ZNF280D: variants seen among roughly 807,000 people sequenced by gnomAD.
ZNF280D encodes zinc finger protein 280D.
A neutral mutation model predicts 94.7 loss-of-function variants in ZNF280D; 39 were observed. The observed-to-expected ratio is 0.41, with a 90% CI of 0.32 to 0.54. ZNF280D has a LOEUF of 0.54. ZNF280D is among the 20% of genes least tolerant of loss of function. ZNF280D has a pLI of 0.22. For missense variants in ZNF280D, 1,090 were observed against 1,149.3 expected, an observed-to-expected ratio of 0.95 and a Z score of 0.75; for synonymous variants, 398 against 377.6, an observed-to-expected ratio of 1.05 and a Z score of -0.63.
chr15:56,729,321 T>TA (rs1439726482), intron 1 of ZNF280D, among the ~76,000 whole-genome samples: 18 of 152,340 alleles, frequency 1.2e-4, no homozygotes, highest in African/African-American at 4.3e-4. Context: ...AAACTCTCCT[T>TA]AGTTGGCACT....
chr15:56,664,293 T>C (rs1334528612), intron 16 of ZNF280D, among the ~76,000 whole-genome samples: 1 of 152,144 alleles, frequency 6.6e-6, no homozygotes, highest in Non-Finnish European at 1.5e-5. Context: ...CAAATGTTAA[T>C]GGTAAAAAGG....
rs1228741790 is a variant in ZNF280D at position 56,630,818 on chromosome 15, G to T, written c.*680C>A. On this transcript the variant is annotated 3_prime_UTR_variant, in exon 22 of 22. Coordinates refer to ENST00000267807, the MANE Select transcript of ZNF280D (RefSeq NM_017661.4). The stretch of plus-strand genomic sequence containing the variant: ...ATATCTTAATAATTCCACTTTCACT[G>T]AAAGTTTAATTAAGGTAAGCTTACA... 6.6e-6 allele frequency: 1 copy of T among 152,142 alleles called. No individual in the cohort carries two copies. The allele number at this position is 152,142 out of a possible 1,614,324, so 9.4% of individuals were successfully genotyped here.
At chr15:56,653,583 C>T in intron 19 of ZNF280D, 1 of 1,498,716 alleles carries the variant, frequency 6.7e-7, no homozygotes, top group Non-Finnish European at 8.9e-7. Context: ...TTTGAAATCT[C>T]TGGGCTGCTT....
At chr15:56,731,390 C>G (rs1402062216) in intron 1 of ZNF280D, among the ~76,000 whole-genome samples, 1 of 151,216 alleles carries the variant, frequency 6.6e-6, no homozygotes, top group African/African-American at 2.4e-5. Flanking sequence ...GGGTTCCCAG[C>G]TACTCAGGAG....
At chr15:56,688,788 A>T (rs1377331897) in intron 9 of ZNF280D, 1 of 216,284 alleles carries the variant, frequency 4.6e-6, no homozygotes, top group African/African-American at 2.3e-5. Flanking sequence ...AAATAATCGG[A>T]TTAATACATT....
chr15:56,729,489 C>A (rs2058784060), intron 1 of ZNF280D, among the ~76,000 whole-genome samples: 1 of 152,184 alleles, frequency 6.6e-6, no homozygotes, highest in African/African-American at 2.4e-5. Context: ...TCTCAACCAT[C>A]AATGAATTTT....
At chr15:56,673,408 T>A (rs978751744) in intron 13 of ZNF280D, among the ~76,000 whole-genome samples, 3 of 152,018 alleles carry the variant, frequency 2.0e-5, no homozygotes, top group Non-Finnish European at 2.9e-5. Context: ...TAGTAAAACC[T>A]CTCAGCTCTA....
At chr15:56,700,785 G>A (rs1270078732) in intron 6 of ZNF280D, 148 bp downstream of exon 6, 17 of 1,537,410 alleles carry the variant, frequency 1.1e-5, no homozygotes, top group African/African-American at 4.1e-5. Context: ...TTGAGCTAGC[G>A]AAAATATGGT....
intron 6 of ZNF280D, among the ~76,000 whole-genome samples, chr15:56,696,026 G>A (rs1341363350): frequency 6.6e-6 from 1 of 152,028 alleles, no homozygotes; most frequent in Admixed American, 6.5e-5. Context: ...TAAGAATTTT[G>A]CTTTATTACT....
rs1246659091 is a variant in ZNF280D at position 56,669,969 on chromosome 15, TATATA to T, written c.1411-1017_1411-1013del. Among the ~76,000 whole-genome samples, 6 of 2,622 alleles carry T rather than the reference TATATA, an allele frequency of 2.3e-3. 2 individuals carry two copies. Among genetic ancestry groups the T allele is most frequent in the African/African-American group, 9.6e-3 (6 of 628 alleles). 1.7% of individuals were successfully genotyped at this position (2,622 alleles called of 152,430 possible). ...ATATATTATATATATATATTATATA[TATATA>T]ATATATATATTATATATATATATTA... On this transcript the variant is annotated intron_variant, in intron 13 of 21. Coordinates refer to ENST00000267807, the MANE Select transcript of ZNF280D (RefSeq NM_017661.4).
intron 9 of ZNF280D, among the ~76,000 whole-genome samples, chr15:56,686,219 A>T (rs1356716791): frequency 6.6e-6 from 1 of 152,168 alleles, no homozygotes; most frequent in African/African-American, 2.4e-5. Context: ...GCTCACTGCA[A>T]CCTCCGCCTC....
At chr15:56,638,230 T>C (rs1299415094) in intron 20 of ZNF280D, among the ~76,000 whole-genome samples, 1 of 152,214 alleles carries the variant, frequency 6.6e-6, no homozygotes, top group Non-Finnish European at 1.5e-5. Flanking sequence ...TATTATATAA[T>C]GAAATATTTC....
At chr15:56,727,999 C>T (rs1353203618) in intron 1 of ZNF280D, among the ~76,000 whole-genome samples, 2 of 151,956 alleles carry the variant, frequency 1.3e-5, no homozygotes. Flanking sequence ...AGTCTTTCAT[C>T]CTTTACAAGT....
intron 1 of ZNF280D, among the ~76,000 whole-genome samples, chr15:56,723,163 G>GGT (rs1442244995): frequency 6.6e-6 from 1 of 151,452 alleles, no homozygotes; most frequent in African/African-American, 2.4e-5. Context: ...CACCAGCATG[G>GGT]CACATGTATA....
chr15:56,727,860 TGA>T (rs1358209762), intron 1 of ZNF280D, among the ~76,000 whole-genome samples: 3 of 152,176 alleles, frequency 2.0e-5, no homozygotes. Flanking sequence ...ACTTAATCAA[TGA>T]GAGAATAACG....
intron 1 of ZNF280D, among the ~76,000 whole-genome samples, chr15:56,716,928 C>G (rs2058081243): frequency 6.6e-6 from 1 of 152,174 alleles, no homozygotes; most frequent in Non-Finnish European, 1.5e-5. Context: ...CTGGGCTTCA[C>G]TTCCTCTGTA....
intron 19 of ZNF280D, chr15:56,652,568 G>A (rs1685748591): frequency 1.1e-6 from 1 of 906,968 alleles, no homozygotes; most frequent in African/African-American, 1.8e-5. Context: ...ATAAACACAT[G>A]ACAAATTTAA....
chr15:56,640,046 C>T (rs1158672121), intron 20 of ZNF280D, among the ~76,000 whole-genome samples: 1 of 151,822 alleles, frequency 6.6e-6, no homozygotes, highest in East Asian at 1.9e-4. Context: ...AAAAATACAG[C>T]ATTAGGTGCA....
chr15:56,709,312 C>T (rs795030), intron 1 of ZNF280D, among the ~76,000 whole-genome samples: 1,860 of 151,464 alleles, frequency 0.012, 38 homozygotes, highest in African/African-American at 0.043. Flanking sequence ...CAATGAGATA[C>T]CATCTCACAC....
Sources: gnomAD v4.1 joint callset for allele counts (sites outside exome capture counted in the v4.1 genomes callset) on GRCh38, gnomAD v4.1.1 for gene constraint, MANE v1.5 for transcripts, NCBI Gene and HGNC (gene_info 2026-07-23, HGNC 2026-07-21) for gene names.